The following PDE10A variants were observed in gnomAD, a reference collection of about 807,000 sequenced individuals.
PDE10A encodes the protein phosphodiesterase 10A, also known as cAMP and cAMP-inhibited cGMP 3',5'-cyclic phosphodiesterase 10A.
In PDE10A, 39 loss-of-function variants were observed where a neutral mutation model predicts 97.7. That is an observed-to-expected ratio of 0.40 (90% CI 0.31 to 0.52). PDE10A has a LOEUF of 0.52. Among genes scored for constraint, PDE10A ranks in the 20% least tolerant of loss-of-function variants. The pLI, the probability that PDE10A is intolerant of heterozygous loss-of-function variation, is 0.56. For synonymous variants in PDE10A, 371 were observed against 376.8 expected (o/e 0.98, Z 0.18); for missense variants, 731 against 1,047.8 (o/e 0.70, Z 4.17).
intron 1 of PDE10A, among the ~76,000 whole-genome samples, chr6:165,751,675 G>A (rs9365919): frequency 0.25 from 38,119 of 152,032 alleles, 5,368 homozygotes; most frequent in East Asian, 0.41. Context: ...CGATAAAAGC[G>A]ATCCCTCGCT....
intron 1 of PDE10A, among the ~76,000 whole-genome samples, chr6:165,845,785 G>A (rs1780399936): frequency 6.6e-6 from 1 of 152,144 alleles, no homozygotes; most frequent in South Asian, 2.1e-4. Context: ...GCATAAATCT[G>A]CCAACATCTG....
intron 1 of PDE10A, among the ~76,000 whole-genome samples, chr6:165,909,231 AG>A (rs1254007609): frequency 2.0e-5 from 3 of 152,204 alleles, no homozygotes; most frequent in Non-Finnish European, 4.4e-5. Context: ...ACACACTCCC[AG>A]GGCCCCTGGC....
intron 3 of PDE10A, among the ~76,000 whole-genome samples, chr6:165,467,986 T>A (rs1390800387): frequency 6.6e-6 from 1 of 152,216 alleles, no homozygotes; most frequent in Non-Finnish European, 1.5e-5. Context: ...GCCATCTACA[T>A]CTAGGCAAGA....
At chr6:165,822,647 C>G (rs963211173) in intron 1 of PDE10A, among the ~76,000 whole-genome samples, 2 of 151,364 alleles carry the variant, frequency 1.3e-5, no homozygotes, top group Non-Finnish European at 2.9e-5. Flanking sequence ...CGGTACAAGA[C>G]ACTTATCACG....
intron 3 of PDE10A, among the ~76,000 whole-genome samples, chr6:165,454,761 A>G (rs944714099): frequency 1.3e-5 from 2 of 152,230 alleles, no homozygotes; most frequent in Non-Finnish European, 2.9e-5. Context: ...ATAGCAACAC[A>G]AAACAAAGAT....
intron 1 of PDE10A, among the ~76,000 whole-genome samples, chr6:165,936,780 C>T (rs569176021): frequency 6.7e-6 from 1 of 150,066 alleles, no homozygotes; most frequent in East Asian, 1.9e-4. Flanking sequence ...TGAGTAGAGA[C>T]TTACTGGGGA....
intron 3 of PDE10A, among the ~76,000 whole-genome samples, chr6:165,457,732 G>T (rs1223695922): frequency 6.6e-6 from 1 of 152,014 alleles, no homozygotes; most frequent in Non-Finnish European, 1.5e-5. Context: ...TTGCCTAGGG[G>T]GAAATAATAT....
chr6:165,393,104 T>C (rs1425381146), intron 15 of PDE10A, among the ~76,000 whole-genome samples: 1 of 152,188 alleles, frequency 6.6e-6, no homozygotes, highest in Non-Finnish European at 1.5e-5. Flanking sequence ...TGATCTTCTT[T>C]AGTTTTACGT....
intron 1 of PDE10A, among the ~76,000 whole-genome samples, chr6:165,793,578 A>T (rs1291115289): frequency 6.6e-6 from 1 of 152,136 alleles, no homozygotes; most frequent in East Asian, 1.9e-4. Context: ...CCACACCCCC[A>T]GCTTTCCATG....
At chr6:165,474,800 C>A (rs1219048288) in intron 3 of PDE10A, among the ~76,000 whole-genome samples, 1 of 152,074 alleles carries the variant, frequency 6.6e-6, no homozygotes, top group Non-Finnish European at 1.5e-5. Context: ...ATTACTATTA[C>A]AGAGAAGTAT....
intron 1 of PDE10A, among the ~76,000 whole-genome samples, chr6:165,765,677 T>C (rs1012930283): frequency 3.9e-5 from 6 of 152,068 alleles, no homozygotes; most frequent in Admixed American, 6.5e-5. Context: ...CCTCCCCACC[T>C]CCCTGCAAGC....
intron 3 of PDE10A, among the ~76,000 whole-genome samples, chr6:165,468,060 A>T (rs1237486518): frequency 6.6e-6 from 1 of 152,134 alleles, no homozygotes; most frequent in East Asian, 1.9e-4. Flanking sequence ...ATTTTTTAGC[A>T]ATAAAGCCAT....
intron 1 of PDE10A, among the ~76,000 whole-genome samples, chr6:165,803,734 T>C (rs1049610385): frequency 3.3e-5 from 5 of 152,216 alleles, no homozygotes; most frequent in African/African-American, 1.2e-4. Context: ...GGCCATACAC[T>C]TTGCCATGTT....
Position 165,371,742 on chromosome 6 carries a change from C to T in PDE10A, c.2783+7452G>A, listed in dbSNP as rs558625984. The stretch of plus-strand genomic sequence containing the variant: ...ACTCATTTTATGAGGCCAGCATCAT[C>T]CTGATACCAAAGCCGGGCAGAGACA... On this transcript the variant is annotated intron_variant, in intron 18 of 21. Coordinates refer to ENST00000539869, the MANE Select transcript of PDE10A (RefSeq NM_001385079.1). 6.4e-3 allele frequency among the ~76,000 whole-genome samples: 968 copies of T among 151,912 alleles called. 10 individuals carry two copies. The highest frequency in any genetic ancestry group is 0.022 in the African/African-American group (918 of 41,448).
At chr6:165,470,427 A>G (rs539161967) in intron 3 of PDE10A, among the ~76,000 whole-genome samples, 3 of 152,300 alleles carry the variant, frequency 2.0e-5, no homozygotes, top group Admixed American at 1.3e-4. Flanking sequence ...ATATAAACTT[A>G]TTTGCATTTT....
intron 1 of PDE10A, among the ~76,000 whole-genome samples, chr6:165,945,153 C>T (rs1211885869): frequency 6.6e-6 from 1 of 152,190 alleles, no homozygotes; most frequent in African/African-American, 2.4e-5. Flanking sequence ...TGCTTATTTG[C>T]TCAGTGGGCC....
At chr6:165,502,819 G>A (rs1296544725) in intron 2 of PDE10A, among the ~76,000 whole-genome samples, 2 of 152,160 alleles carry the variant, frequency 1.3e-5, no homozygotes, top group African/African-American at 4.8e-5. Flanking sequence ...GCAGATCAGA[G>A]GTTGCCAGGA....
intron 2 of PDE10A, among the ~76,000 whole-genome samples, chr6:165,484,662 A>G (rs1779799339): frequency 6.6e-6 from 1 of 152,184 alleles, no homozygotes; most frequent in Admixed American, 6.5e-5. Context: ...CACTCATATC[A>G]AAACTCTATC....
chr6:165,446,961 A>G (rs966190767), intron 5 of PDE10A, among the ~76,000 whole-genome samples: 12 of 152,200 alleles, frequency 7.9e-5, no homozygotes, highest in African/African-American at 2.7e-4. Context: ...AAAGTAAAAG[A>G]TAAGTAAAGA....
Sources: allele counts gnomAD v4.1 joint callset (sites outside exome capture counted in the v4.1 genomes callset), GRCh38; gene constraint gnomAD v4.1.1; transcripts MANE v1.5; gene names NCBI Gene and HGNC (gene_info 2026-07-23, HGNC 2026-07-21).